The following DOCK8 variants were observed in gnomAD, a reference collection of about 807,000 sequenced individuals.
The protein encoded by DOCK8 is dedicator of cytokinesis 8, also known as dedicator of cytokinesis protein 8.
A neutral mutation model predicts 245.6 loss-of-function variants in DOCK8; 141 were observed. The ratio of observed to expected loss-of-function variants is 0.57; its 90% CI spans 0.50 to 0.66. DOCK8 has a LOEUF of 0.66. Ranked by LOEUF, DOCK8 falls within the 30% of genes least tolerant of loss-of-function variation. The pLI, the probability that DOCK8 is intolerant of heterozygous loss-of-function variation, is 0.00. For synonymous variants in DOCK8, 1,168 were observed against 970.2 expected, an observed-to-expected ratio of 1.20 and a Z score of -3.79; for missense variants, 2,965 against 2,603.4, an observed-to-expected ratio of 1.14 and a Z score of -3.02.
chr9:401,997 C>T (rs767984070), intron 26 of DOCK8, among the ~76,000 whole-genome samples: 2 of 152,164 alleles, frequency 1.3e-5, no homozygotes, highest in South Asian at 2.1e-4. Flanking sequence ...TTCACTCCTC[C>T]TTGCCCTCCC....
intron 1 of DOCK8, among the ~76,000 whole-genome samples, chr9:247,585 G>C (rs1322542386): frequency 6.6e-6 from 1 of 152,116 alleles, no homozygotes; most frequent in Admixed American, 6.5e-5. Context: ...CCAGGCTGAA[G>C]TGCAGTGACG....
chr9:428,104 G>A (rs1356526921), intron 34 of DOCK8, among the ~76,000 whole-genome samples: 2 of 152,206 alleles, frequency 1.3e-5, no homozygotes, highest in African/African-American at 2.4e-5. Flanking sequence ...CCAGGATGAG[G>A]GAGATGGGCC....
intron 28 of DOCK8, among the ~76,000 whole-genome samples, chr9:407,301 C>T (rs560365633): frequency 6.6e-6 from 1 of 152,274 alleles, no homozygotes; most frequent in African/African-American, 2.4e-5. Context: ...AATGACTTTT[C>T]TTGGTCAACT....
intron 33 of DOCK8, among the ~76,000 whole-genome samples, chr9:423,893 G>T (rs934250767): frequency 2.0e-5 from 3 of 152,042 alleles, no homozygotes; most frequent in Non-Finnish European, 2.9e-5. Flanking sequence ...GTGTAAACTG[G>T]TGTTTTGGAA....
intron 10 of DOCK8, among the ~76,000 whole-genome samples, chr9:333,005 A>G (rs1219269748): frequency 6.6e-6 from 1 of 151,958 alleles, no homozygotes; most frequent in Non-Finnish European, 1.5e-5. Flanking sequence ...TCTAATGTTG[A>G]CATACAGCAA....
At chr9:413,916 C>T (rs1370461668) in intron 28 of DOCK8, among the ~76,000 whole-genome samples, 1 of 152,112 alleles carries the variant, frequency 6.6e-6, no homozygotes, top group African/African-American at 2.4e-5. Flanking sequence ...CTGAGGTGGG[C>T]AGATCATTTG....
rs2053222481 is a variant in DOCK8, at chr9:370,219, C to T, written c.1798-11C>T. ...TACTGATAATTTGATCCTTTCTCTACTGGTGAACAGGTCATCTTTGGAAAA... is the reference window on the plus strand; with the variant it reads ...TACTGATAATTTGATCCTTTCTCTATTGGTGAACAGGTCATCTTTGGAAAA... On this transcript the variant is annotated splice_polypyrimidine_tract_variant and intron_variant, in intron 15 of 47. Transcript: ENST00000432829. The T allele has an allele frequency of 6.2e-7, 1 of 1,611,790 alleles. No individual in the cohort carries two copies. The highest frequency in any genetic ancestry group is 1.3e-5 in the African/African-American group (1 of 74,988).
chr9:225,130 CACAA>C (rs1211248356), intron 1 of DOCK8, among the ~76,000 whole-genome samples: 1 of 151,888 alleles, frequency 6.6e-6, no homozygotes, highest in Non-Finnish European at 1.5e-5. Context: ...AGATTCAAAA[CACAA>C]ACAGACAAGC....
chr9:221,524 C>T (rs767719370), intron 1 of DOCK8, among the ~76,000 whole-genome samples: 49 of 151,966 alleles, frequency 3.2e-4, no homozygotes, highest in Non-Finnish European at 6.0e-4. Context: ...TTAAAGTATA[C>T]AGGAGGGCTG....
At chr9:333,566 A>T (rs760215923) in intron 10 of DOCK8, among the ~76,000 whole-genome samples, 3 of 150,888 alleles carry the variant, frequency 2.0e-5, no homozygotes, top group South Asian at 4.2e-4. Flanking sequence ...GTGCCACTGC[A>T]CTCCAGCCTG....
intron 14 of DOCK8, among the ~76,000 whole-genome samples, chr9:350,602 G>C (rs12342634): frequency 0.073 from 11,041 of 152,148 alleles, 608 homozygotes; most frequent in African/African-American, 0.15. Flanking sequence ...TTTTAATAAC[G>C]AGCCAACCCA....
intron 1 of DOCK8, among the ~76,000 whole-genome samples, chr9:263,736 G>A (rs140881930): frequency 6.6e-6 from 1 of 152,188 alleles, no homozygotes; most frequent in African/African-American, 2.4e-5. Context: ...ATTCTAGATT[G>A]TTAGTTATTT....
chr9:382,749 A>C (rs530125120), intron 22 of DOCK8, 64 bp downstream of exon 22: 1 of 1,580,250 alleles, frequency 6.3e-7, no homozygotes, highest in South Asian at 1.1e-5. Flanking sequence ...TAAAACTTGG[A>C]GAAGTAACAC....
intron 15 of DOCK8, 45 bp from the exon 16 acceptor site, chr9:370,185 C>A: frequency 2.0e-6 from 3 of 1,504,794 alleles, no homozygotes; most frequent in Non-Finnish European, 2.8e-6. Context: ...ATTTGATGTA[C>A]CCAAATGTTA....
At chr9:374,451 GTGTTT>G (rs1158260967) in intron 18 of DOCK8, among the ~76,000 whole-genome samples, 4 of 83,592 alleles carry the variant, frequency 4.8e-5, no homozygotes, top group African/African-American at 8.3e-5. Context: ...TGGTCCTTTT[GTGTTT>G]TTTTTTTTTT....
At chr9:215,401 G>T in intron 1 of DOCK8, 1 of 1,547,218 alleles carries the variant, frequency 6.5e-7, no homozygotes, top group Non-Finnish European at 8.7e-7. Flanking sequence ...TCTCATAAAC[G>T]GCTCCTTCCT....
upstream of DOCK8, chr9:214,416 T>C: frequency 3.0e-6 from 4 of 1,312,536 alleles, no homozygotes; most frequent in Non-Finnish European, 3.2e-6. Context: ...TTGCAAAAGT[T>C]GATTTGAATC....
intron 46 of DOCK8, among the ~76,000 whole-genome samples, chr9:454,933 T>A (rs1324563260): frequency 6.6e-6 from 1 of 152,202 alleles, no homozygotes; most frequent in Non-Finnish European, 1.5e-5. Context: ...AAATGGACTT[T>A]CCTAGGGGTC....
chr9:390,962 G>C (rs2054166976), intron 24 of DOCK8, among the ~76,000 whole-genome samples: 1 of 152,202 alleles, frequency 6.6e-6, no homozygotes, highest in Non-Finnish European at 1.5e-5. Context: ...ACTGCACTGA[G>C]AAGAAAGCAC....
Sources: allele counts gnomAD v4.1 joint callset (sites outside exome capture counted in the v4.1 genomes callset), GRCh38; gene constraint gnomAD v4.1.1; transcripts MANE v1.5; gene names NCBI Gene and HGNC (gene_info 2026-07-23, HGNC 2026-07-21).